The following GSE1 variants were observed in gnomAD, a reference collection of about 807,000 sequenced individuals.
The protein encoded by GSE1 is genetic suppressor element 1.
GSE1 carries 32 observed loss-of-function variants against 112.6 expected under a neutral mutation model. The ratio of observed to expected loss-of-function variants is 0.28; its 90% CI spans 0.21 to 0.38. The LOEUF is 0.38. Among genes scored for constraint, GSE1 ranks in the 10% least tolerant of loss-of-function variants. GSE1 has a pLI of 1.00. For synonymous variants in GSE1, 1,115 were observed against 735.6 expected (o/e 1.52, Z -8.35); for missense variants, 2,348 against 1,699.2 (o/e 1.38, Z -6.71).
At position 85,384,886 on chromosome 16, in the gene GSE1, G is replaced by T. The variant is rs549313210; in HGVS notation, c.2464+27243G>T. Among the ~76,000 whole-genome samples, 9 of 152,328 alleles carry T rather than the reference G, an allele frequency of 5.9e-5. No individual in the cohort carries two copies. In the South Asian group the frequency reaches 1.7e-3, roughly 28 times the overall value. The stretch of plus-strand genomic sequence containing the variant: ...CTTGCTGGGCTTTTCTGCACCCTGG[G>T]GGCCCTCAGGCAAGCAGCCAAGCAG... On this transcript the variant is annotated intron_variant, in intron 2 of 2. Transcript: ENST00000637419.
At chr16:85,382,832 TC>T (rs1199885846) in intron 2 of GSE1, among the ~76,000 whole-genome samples, 4 of 147,352 alleles carry the variant, frequency 2.7e-5, no homozygotes, top group African/African-American at 1.0e-4. Context: ...ACAAACACAC[TC>T]ATGCACACAC....
chr16:85,171,458 C>T, exon 1 of GSE1: 2 of 985,414 alleles, frequency 2.0e-6, no homozygotes, highest in South Asian at 9.4e-5. Context: ...GGCCTGGTGG[C>T]TACCTGTGTG....
chr16:85,184,585 G>A (rs1282724599), intron 1 of GSE1, among the ~76,000 whole-genome samples: 7 of 152,120 alleles, frequency 4.6e-5, no homozygotes, highest in Non-Finnish European at 2.9e-5. Context: ...TTTAATAGAG[G>A]CAATTAAAGC....
intron 1 of GSE1, among the ~76,000 whole-genome samples, chr16:85,194,419 A>G (rs1303426386): frequency 1.3e-5 from 2 of 152,194 alleles, no homozygotes; most frequent in East Asian, 3.8e-4. Flanking sequence ...AGTAACCACA[A>G]TGAGCTTCTT....
At position 85,460,588 on chromosome 16, in the gene GSE1, T is replaced by A. The variant is rs116206571; in HGVS notation, c.2464+102945T>A. Among the ~76,000 whole-genome samples, 648 of 152,200 alleles carry A rather than the reference T, an allele frequency of 4.3e-3. 5 individuals are homozygous for A. Among genetic ancestry groups the A allele is most frequent in the African/African-American group, 0.014 (600 of 41,520 alleles). On this transcript the variant is annotated intron_variant, in intron 2 of 2. Transcript: ENST00000637419. The stretch of plus-strand genomic sequence containing the variant: ...AGTGGGCGACGTCACTTGTTAGGGG[T>A]TCGGGTGAATGAGGCCTCGGCTGCT...
intron 2 of GSE1, among the ~76,000 whole-genome samples, chr16:85,413,126 A>G (rs2048620600): frequency 6.6e-6 from 1 of 151,916 alleles, no homozygotes; most frequent in Non-Finnish European, 1.5e-5. Context: ...GCCCTTTTCC[A>G]TTTTGAAGCC....
intron 2 of GSE1, among the ~76,000 whole-genome samples, chr16:85,505,985 G>T (rs527646534): frequency 6.6e-6 from 1 of 151,900 alleles, no homozygotes; most frequent in South Asian, 2.1e-4. Context: ...AAAAAGACCT[G>T]GTGCCACCCT....
chr16:85,251,806 C>G (rs1041304695), intron 1 of GSE1, among the ~76,000 whole-genome samples: 2 of 152,208 alleles, frequency 1.3e-5, no homozygotes, highest in African/African-American at 4.8e-5. Context: ...GGACTGGCAC[C>G]CGGCTCCTGT....
chr16:85,341,788 C>T (rs990473482), intron 1 of GSE1, among the ~76,000 whole-genome samples: 2 of 151,884 alleles, frequency 1.3e-5, no homozygotes, highest in Non-Finnish European at 2.9e-5. Flanking sequence ...GTGTGAACCA[C>T]TTCACCTGGC....
At chr16:85,413,817 A>T (rs1415836728) in intron 2 of GSE1, among the ~76,000 whole-genome samples, 2 of 152,026 alleles carry the variant, frequency 1.3e-5, no homozygotes, top group Non-Finnish European at 2.9e-5. Context: ...GTTGAGAGAG[A>T]CACCTGGTGG....
intron 1 of GSE1, among the ~76,000 whole-genome samples, chr16:85,572,865 G>A (rs2046067332): frequency 6.6e-6 from 1 of 152,162 alleles, no homozygotes; most frequent in South Asian, 2.1e-4. Flanking sequence ...TCAGGGCATT[G>A]CAAGAGAGGA....
At chr16:85,666,600 A>T in intron 13 of GSE1, 1 of 533,162 alleles carries the variant, frequency 1.9e-6, no homozygotes, top group East Asian at 3.3e-5. Flanking sequence ...GCAGGGACGC[A>T]TCGATCGGTA....
chr16:85,325,042 G>C (rs569618325), intron 1 of GSE1, among the ~76,000 whole-genome samples: 5 of 152,168 alleles, frequency 3.3e-5, no homozygotes, highest in Non-Finnish European at 7.4e-5. Flanking sequence ...ATCTCAGCTT[G>C]CTACAACCTC....
chr16:85,348,248 A>G (rs569220007), intron 1 of GSE1, among the ~76,000 whole-genome samples: 2 of 151,708 alleles, frequency 1.3e-5, no homozygotes, highest in Non-Finnish European at 2.9e-5. Context: ...TCATCCATCC[A>G]TCCATCATCC....
chr16:85,331,361 G>GTATATATATATATGTATATA (rs1299782485), intron 1 of GSE1, among the ~76,000 whole-genome samples: 1 of 66,978 alleles, frequency 1.5e-5, no homozygotes, highest in Non-Finnish European at 3.4e-5. Context: ...GTGTGTGTGT[G>GTATATATATATATGTATATA]TGTGTATATA....
chr16:85,195,287 T>G (rs1042314345), intron 1 of GSE1, among the ~76,000 whole-genome samples: 1 of 152,132 alleles, frequency 6.6e-6, no homozygotes, highest in Non-Finnish European at 1.5e-5. Flanking sequence ...ACAAAACATC[T>G]TACAAGAAGG....
chr16:85,533,972 G>A lies in GSE1; in HGVS notation c.2465-99942G>A, dbSNP rs138258637. Reference sequence around the variant, plus strand: ...TGGTGTCTGACATATGCGTACGTCTGTGTAACCCCCACCCCATTAAGGTCT... The same window carrying A: ...TGGTGTCTGACATATGCGTACGTCTATGTAACCCCCACCCCATTAAGGTCT... On this transcript the variant is annotated intron_variant, in intron 2 of 2. Transcript: ENST00000637419. Among the ~76,000 whole-genome samples the A allele has an allele frequency of 1.4e-3, 216 of 152,286 alleles. 2 individuals carry two copies. The highest frequency in any genetic ancestry group is 4.8e-3 in the African/African-American group (201 of 41,556).
intron 1 of GSE1, among the ~76,000 whole-genome samples, chr16:85,291,682 G>A (rs758953405): frequency 2.0e-5 from 3 of 152,130 alleles, no homozygotes; most frequent in African/African-American, 7.2e-5. Context: ...CCCTGACCCC[G>A]GGGAGACCCT....
At chr16:85,328,926 G>C (rs1416188049) in intron 1 of GSE1, among the ~76,000 whole-genome samples, 2 of 152,208 alleles carry the variant, frequency 1.3e-5, no homozygotes, top group East Asian at 3.9e-4. Flanking sequence ...AGAGGAAGAG[G>C]ATGACAGGGC....
Sources: allele counts gnomAD v4.1 joint callset (sites outside exome capture counted in the v4.1 genomes callset), GRCh38; gene constraint gnomAD v4.1.1; transcripts MANE v1.5; gene names NCBI Gene and HGNC (gene_info 2026-07-23, HGNC 2026-07-21).